The following ARF4 variants were observed in gnomAD, a reference collection of about 807,000 sequenced individuals.
The protein encoded by ARF4 is ADP-ribosylation factor 4.
ARF4 carries 5 observed loss-of-function variants against 24.3 expected under a neutral mutation model. The observed-to-expected ratio is 0.21, with a 90% CI of 0.11 to 0.43. The LOEUF is 0.43. Among genes scored for constraint, ARF4 ranks in the 20% least tolerant of loss-of-function variants. ARF4 has a pLI of 1.00. For missense variants in ARF4, 107 were observed against 213.0 expected (o/e 0.50, Z 3.10); for synonymous variants, 62 against 73.5 (o/e 0.84, Z 0.80).
chr3:57,594,596 C>A (rs577218370), intron 1 of ARF4, among the ~76,000 whole-genome samples: 1 of 152,104 alleles, frequency 6.6e-6, no homozygotes, highest in African/African-American at 2.4e-5. Flanking sequence ...AGCAGGTGTA[C>A]GAATTAAATT....
intron 2 of ARF4, 34 bp downstream of exon 2, chr3:57,584,350 A>G: frequency 6.8e-7 from 1 of 1,469,938 alleles, no homozygotes; most frequent in Non-Finnish European, 9.5e-7. Context: ...TTTACAACAT[A>G]TCATGATATA....
chr3:57,580,151 G>C (rs1457527648), intron 3 of ARF4, among the ~76,000 whole-genome samples: 2 of 152,040 alleles, frequency 1.3e-5, no homozygotes, highest in African/African-American at 4.8e-5. Flanking sequence ...ATATAGTGTG[G>C]TGGGAAGACA....
At position 57,597,118 on chromosome 3, in the gene ARF4, A is replaced by T; in HGVS notation, c.23T>A (p.Leu8His). ...CTTCTTGCCAAATAGTCGGGAGAAGAGGGAGGAGATAGTGAGGCCCATGGC... is the reference window on the plus strand; with the variant it reads ...CTTCTTGCCAAATAGTCGGGAGAAGTGGGAGGAGATAGTGAGGCCCATGGC... MGLTISS[L>H]FSRLFGKKQM... The change falls in exon 1 of 6, where the codon CTC (leucine) becomes CAC (histidine). Residue 8 changes from leucine to histidine, a missense_variant. Leu to His is a moderately conservative substitution (Grantham distance 99). Transcript: ENST00000303436. 3.7e-6 allele frequency: 6 copies of T among 1,614,102 alleles called. No homozygotes were observed. The highest frequency in any genetic ancestry group is 5.1e-6 in the Non-Finnish European group (6 of 1,179,974).
intron 5 of ARF4, 66 bp downstream of exon 5, chr3:57,575,482 A>G: frequency 4.8e-6 from 7 of 1,461,748 alleles, no homozygotes; most frequent in Non-Finnish European, 6.4e-6. Flanking sequence ...ACTGAATATT[A>G]GCTTACACAA....
chr3:57,572,351 C>A, intron 5 of ARF4, 53 bp from the exon 6 acceptor site: 1 of 1,328,726 alleles, frequency 7.5e-7, no homozygotes. Context: ...TATATAACAC[C>A]AGTGTTTAAA....
chr3:57,572,432 A>C (rs1202105851), intron 5 of ARF4, 134 bp from the exon 6 acceptor site: 18 of 644,752 alleles, frequency 2.8e-5, no homozygotes, highest in Non-Finnish European at 3.7e-5. Context: ...ATTTAAAGCT[A>C]CTTCTGGCTG....
intron 1 of ARF4, among the ~76,000 whole-genome samples, chr3:57,591,869 T>C (rs1250589440): frequency 2.6e-5 from 4 of 152,046 alleles, no homozygotes; most frequent in Admixed American, 6.6e-5. Flanking sequence ...GATTAACCCA[T>C]AGAAACAGAA....
intron 3 of ARF4, among the ~76,000 whole-genome samples, chr3:57,583,069 T>C (rs1288915199): frequency 6.6e-6 from 1 of 152,118 alleles, no homozygotes; most frequent in African/African-American, 2.4e-5. Context: ...TAGAGAGCCC[T>C]CCCCATACCC....
intron 3 of ARF4, among the ~76,000 whole-genome samples, chr3:57,580,609 T>A (rs2069958635): frequency 6.6e-6 from 1 of 151,892 alleles, no homozygotes; most frequent in South Asian, 2.1e-4. Flanking sequence ...GGTTTCACTC[T>A]GTTGCCTGGA....
rs536425087 is a variant in ARF4 at position 57,583,776 on chromosome 3, G to A, written c.258+122C>T. ...GAGTCCACTGAAGAATGTGGAAGTG[G>A]TGATAAGACAAATGCCAACTCATAG... On this transcript the variant is annotated intron_variant, in intron 3 of 5. Coordinates refer to ENST00000303436, the MANE Select transcript of ARF4 (RefSeq NM_001660.4). 6 of 706,926 alleles carry A rather than the reference G, an allele frequency of 8.5e-6. No homozygotes were observed. In the Admixed American group the frequency reaches 1.4e-4, roughly 17 times the overall value. 43.8% of individuals were successfully genotyped at this position (706,926 alleles called of 1,614,324 possible).
chr3:57,591,433 C>G lies in ARF4; in HGVS notation c.67+5641G>C, dbSNP rs554387148. 4.2e-3 allele frequency among the ~76,000 whole-genome samples: 634 copies of G among 150,918 alleles called. 5 individuals are homozygous for G. The highest frequency in any genetic ancestry group is 0.015 in the African/African-American group (615 of 41,246). ...AAAAAGAATGAAGTACTAATATACG[C>G]TATAATATGAATGAACTTTTTTCTT... is the stretch of plus-strand genomic sequence containing the variant. On this transcript the variant is annotated intron_variant, in intron 1 of 5. Coordinates refer to ENST00000303436, the MANE Select transcript of ARF4 (RefSeq NM_001660.4).
intron 3 of ARF4, among the ~76,000 whole-genome samples, chr3:57,580,944 C>A (rs981731796): frequency 6.6e-6 from 1 of 151,988 alleles, no homozygotes; most frequent in Non-Finnish European, 1.5e-5. Context: ...TGCTATCAGT[C>A]CCAAAGTGAC....
At chr3:57,590,089 C>A (rs867688498) in intron 1 of ARF4, among the ~76,000 whole-genome samples, 1 of 135,164 alleles carries the variant, frequency 7.4e-6, no homozygotes, top group African/African-American at 2.7e-5. Context: ...GACTCTGTCT[C>A]AATAAATAAA....
chr3:57,591,812 C>A (rs1370455052), intron 1 of ARF4, among the ~76,000 whole-genome samples: 1 of 152,054 alleles, frequency 6.6e-6, no homozygotes, highest in Non-Finnish European at 1.5e-5. Context: ...AAAAGCCAGA[C>A]AAAGAGGCCA....
At position 57,588,649 on chromosome 3, in the gene ARF4, T is replaced by C. The variant is rs1224391853; in HGVS notation, c.68-4185A>G. ...CGGGTGGATCACCTGAAGTCAGGAG[T>C]CAGAGACCAGCCTGACCAACATGGA... On this transcript the variant is annotated intron_variant, in intron 1 of 5. Transcript: ENST00000303436. Among the ~76,000 whole-genome samples the C allele has an allele frequency of 2.2e-5, 3 of 139,222 alleles. No homozygotes were observed. In the East Asian group the frequency reaches 6.2e-4, roughly 29 times the overall value. The allele number at this position is 139,222 out of a possible 152,430, so 91.3% of individuals were successfully genotyped here.
chr3:57,593,935 AC>A (rs911891675), intron 1 of ARF4, among the ~76,000 whole-genome samples: 9 of 152,296 alleles, frequency 5.9e-5, no homozygotes, highest in Non-Finnish European at 7.4e-5. Context: ...AGGAAAAAAA[AC>A]ATAATTATTT....
At chr3:57,590,121 A>G (rs1440343624) in intron 1 of ARF4, among the ~76,000 whole-genome samples, 1 of 147,258 alleles carries the variant, frequency 6.8e-6, no homozygotes, top group Non-Finnish European at 1.5e-5. Context: ...ATAAATAAAT[A>G]AATAAATAAA....
intron 1 of ARF4, among the ~76,000 whole-genome samples, chr3:57,591,570 G>A (rs1202399406): frequency 6.6e-6 from 1 of 151,828 alleles, no homozygotes; most frequent in Admixed American, 6.6e-5. Context: ...GGGTTCAAGG[G>A]ATTCTCGTGC....
At chr3:57,591,164 T>G (rs1223342001) in intron 1 of ARF4, among the ~76,000 whole-genome samples, 1 of 152,148 alleles carries the variant, frequency 6.6e-6, no homozygotes, top group Non-Finnish European at 1.5e-5. Context: ...GTTTGTCAGG[T>G]CCTCAAAATG....
Sources: gnomAD v4.1 joint callset for allele counts (sites outside exome capture counted in the v4.1 genomes callset) on GRCh38, gnomAD v4.1.1 for gene constraint, MANE v1.5 for transcripts, NCBI Gene and HGNC (gene_info 2026-07-23, HGNC 2026-07-21) for gene names.